Variants in MSRA observed in about 807,000 individuals in gnomAD.
MSRA encodes methionine sulfoxide reductase A, also known as mitochondrial peptide methionine sulfoxide reductase.
MSRA carries 54 observed loss-of-function variants against 31.3 expected under a neutral mutation model. The observed-to-expected ratio is 1.73, with a 90% CI of 1.39 to 2.17. The LOEUF is 2.17. Among genes scored for constraint, MSRA ranks in the 30% most tolerant of loss-of-function variants. The pLI is 0.00. For synonymous variants in MSRA, 169 were observed against 116.5 expected (o/e 1.45, Z -2.90); for missense variants, 507 against 300.9 (o/e 1.69, Z -5.07).
chr8:10,108,498 C>A (rs1176830147), intron 1 of MSRA, among the ~76,000 whole-genome samples: 1 of 152,098 alleles, frequency 6.6e-6, no homozygotes, highest in Non-Finnish European at 1.5e-5. Flanking sequence ...TCCACAAAGA[C>A]TTTTTTTTCC....
At chr8:10,070,618 C>A (rs1041999148) in intron 1 of MSRA, among the ~76,000 whole-genome samples, 11 of 152,294 alleles carry the variant, frequency 7.2e-5, no homozygotes, top group African/African-American at 2.6e-4. Context: ...ACCAGAGATT[C>A]CTTGTGCTGC....
chr8:10,068,455 G>C (rs568376935), intron 1 of MSRA, among the ~76,000 whole-genome samples: 1 of 152,176 alleles, frequency 6.6e-6, no homozygotes, highest in Non-Finnish European at 1.5e-5. Context: ...TTTGCATTTA[G>C]CTATGTGATC....
At chr8:10,426,035 C>T (rs1809138676) in intron 5 of MSRA, among the ~76,000 whole-genome samples, 1 of 152,214 alleles carries the variant, frequency 6.6e-6, no homozygotes, top group African/African-American at 2.4e-5. Flanking sequence ...TCCATTTCCA[C>T]AGCCACCTGG....
chr8:10,247,474 G>A (rs573968057), intron 3 of MSRA, among the ~76,000 whole-genome samples: 2 of 152,228 alleles, frequency 1.3e-5, no homozygotes, highest in South Asian at 2.1e-4. Context: ...AATTATATTA[G>A]TGTGCTTTTA....
rs758644717 is a variant in MSRA at position 10,095,909 on chromosome 8, G to C, written c.142+41251G>C. ...TGTATGATTATACCATGAGAGACAG[G>C]ATTAATATAGAAGATGGCAAGGCAA... On this transcript the variant is annotated intron_variant, in intron 1 of 5. Coordinates refer to ENST00000317173, the MANE Select transcript of MSRA (RefSeq NM_012331.5). 3 of 1,332,174 alleles carry C rather than the reference G, an allele frequency of 2.3e-6. No individual in the cohort carries two copies. In the South Asian group the frequency reaches 7.2e-5, roughly 32 times the overall value. The allele number at this position is 1,332,174 out of a possible 1,614,324, so 82.5% of individuals were successfully genotyped here.
chr8:10,364,204 T>C (rs1370901109), intron 5 of MSRA, among the ~76,000 whole-genome samples: 1 of 152,226 alleles, frequency 6.6e-6, no homozygotes, highest in African/African-American at 2.4e-5. Flanking sequence ...GTAACTGAAT[T>C]GTCCCTGCCC....
At chr8:10,351,278 G>A (rs1357467511) in intron 5 of MSRA, among the ~76,000 whole-genome samples, 5 of 110,796 alleles carry the variant, frequency 4.5e-5, no homozygotes, top group Non-Finnish European at 8.5e-5. Flanking sequence ...TTTTTTAGAC[G>A]GAGTCTCGCT....
rs568305714 is a variant in MSRA, at chr8:10,094,222, T to C, written c.142+39564T>C. The stretch of plus-strand genomic sequence containing the variant: ...CTATCAACTTTATGGTTCAGTAATA[T>C]GTGGTTTTGTCTTTCACTGTTATAT... On this transcript the variant is annotated intron_variant, in intron 1 of 5. Coordinates refer to ENST00000317173, the MANE Select transcript of MSRA (RefSeq NM_012331.5). Among the ~76,000 whole-genome samples the C allele has an allele frequency of 3.3e-5, 5 of 152,360 alleles. No homozygotes were observed. In the South Asian group the frequency reaches 6.2e-4, roughly 19 times the overall value.
chr8:10,266,057 A>C (rs1798732474), intron 3 of MSRA, among the ~76,000 whole-genome samples: 2 of 152,198 alleles, frequency 1.3e-5, no homozygotes, highest in South Asian at 4.1e-4. Context: ...ATCAATATTC[A>C]TGTACCAGTG....
At position 10,246,062 on chromosome 8, in the gene MSRA, A is replaced by G. The variant is rs1183004861; in HGVS notation, c.331+839A>G. Among the ~76,000 whole-genome samples, 10 of 151,388 alleles carry G rather than the reference A, an allele frequency of 6.6e-5. 1 individual carries two copies. Among genetic ancestry groups the G allele is most frequent in the African/African-American group, 2.2e-4 (9 of 40,666 alleles). Reference sequence around the variant, plus strand: ...CCACTTGCTGCCTAGCAAACTATTGACTTGACTTATAGGCCAAATCCCACT... The same window carrying G: ...CCACTTGCTGCCTAGCAAACTATTGGCTTGACTTATAGGCCAAATCCCACT... On this transcript the variant is annotated intron_variant, in intron 3 of 5. Transcript: ENST00000317173.
intron 5 of MSRA, among the ~76,000 whole-genome samples, chr8:10,417,449 C>A (rs894631553): frequency 6.6e-6 from 1 of 152,078 alleles, no homozygotes; most frequent in Non-Finnish European, 1.5e-5. Context: ...CACACACATA[C>A]GCACACTCCA....
chr8:10,082,536 A>G (rs1186867492), intron 1 of MSRA, among the ~76,000 whole-genome samples: 2 of 152,146 alleles, frequency 1.3e-5, no homozygotes, highest in East Asian at 1.9e-4. Context: ...TCTGGCTAAC[A>G]TCCGTGCACT....
chr8:10,071,981 C>G (rs7812824), intron 1 of MSRA, among the ~76,000 whole-genome samples: 1,816 of 152,118 alleles, frequency 0.012, 32 homozygotes, highest in African/African-American at 0.04. Context: ...AGGGGTCCCT[C>G]GTGGCTGCCC....
chr8:10,331,182 C>G (rs765674387), intron 5 of MSRA, among the ~76,000 whole-genome samples: 8 of 152,148 alleles, frequency 5.3e-5, no homozygotes, highest in Admixed American at 4.6e-4. Flanking sequence ...GAAATAGAAG[C>G]CTGTTATTGA....
At chr8:10,111,453 A>T (rs1800273415) in intron 1 of MSRA, among the ~76,000 whole-genome samples, 1 of 152,124 alleles carries the variant, frequency 6.6e-6, no homozygotes, top group African/African-American at 2.4e-5. Context: ...GATAAAATAG[A>T]TTCCCAGGTT....
At chr8:10,181,101 A>T (rs541234144) in intron 1 of MSRA, among the ~76,000 whole-genome samples, 2 of 152,332 alleles carry the variant, frequency 1.3e-5, no homozygotes, top group South Asian at 4.1e-4. Context: ...ATTCGTCTAC[A>T]GCTCCCAGTA....
intron 5 of MSRA, among the ~76,000 whole-genome samples, chr8:10,344,011 T>C (rs930445457): frequency 1.1e-4 from 17 of 152,142 alleles, no homozygotes; most frequent in African/African-American, 4.1e-4. Context: ...ACTTTGAAGA[T>C]AGAACATTCT....
intron 3 of MSRA, among the ~76,000 whole-genome samples, chr8:10,245,873 G>A (rs1406510730): frequency 6.6e-6 from 1 of 152,204 alleles, no homozygotes; most frequent in Non-Finnish European, 1.5e-5. Context: ...CTCCCCAAAG[G>A]CAAGGATATA....
At chr8:10,122,139 T>C (rs1173491160) in intron 1 of MSRA, among the ~76,000 whole-genome samples, 3 of 152,092 alleles carry the variant, frequency 2.0e-5, no homozygotes, top group African/African-American at 7.2e-5. Context: ...CTACCCAGCA[T>C]GCTGCTGGTG....
Sources: gnomAD v4.1 joint callset for allele counts (sites outside exome capture counted in the v4.1 genomes callset) on GRCh38, gnomAD v4.1.1 for gene constraint, MANE v1.5 for transcripts, NCBI Gene and HGNC (gene_info 2026-07-23, HGNC 2026-07-21) for gene names.